AKR1B15: variants seen among roughly 807,000 people sequenced by gnomAD.
AKR1B15 encodes the protein estradiol 17-beta-dehydrogenase AKR1B15.
Under a neutral mutation model 38.5 loss-of-function variants are expected in AKR1B15, and 49 were observed. The ratio of observed to expected loss-of-function variants is 1.27; its 90% confidence interval spans 1.01 to 1.62. The LOEUF (loss-of-function observed/expected upper bound fraction) is 1.62. AKR1B15 is among the 40% of genes most tolerant of loss of function. The pLI is 0.00. For missense variants in AKR1B15, 411 were observed against 381.6 expected, an observed-to-expected ratio of 1.08 and a Z score of -0.64; for synonymous variants, 137 against 135.5, an observed-to-expected ratio of 1.01 and a Z score of -0.08.
At chr7:134,549,586 C>T (rs1793894506) in intron 1 of AKR1B15, among the ~76,000 whole-genome samples, 1 of 152,060 alleles carries the variant, frequency 6.6e-6, no homozygotes, top group Admixed American at 6.6e-5. Flanking sequence ...CCTGTGGTTC[C>T]GTGGTGACCT....
chr7:134,562,882 CTTT>C (rs1794449738), intron 2 of AKR1B15, among the ~76,000 whole-genome samples: 5 of 130,236 alleles, frequency 3.8e-5, no homozygotes, highest in African/African-American at 6.1e-5. Flanking sequence ...TTCTTTCTTT[CTTT>C]CTTTCCTTCT....
Position 134,571,075 on chromosome 7 carries a change from C to A in AKR1B15, c.436-529C>A, listed in dbSNP as rs985273854. Reference sequence around the variant, plus strand: ...GCTGGAAGGAAGCCAGTAGTGATCCCAGCACCCATTGCCTGGGGCTCTGCT... The same window carrying A: ...GCTGGAAGGAAGCCAGTAGTGATCCAAGCACCCATTGCCTGGGGCTCTGCT... On this transcript the variant is annotated intron_variant, in intron 5 of 11. Transcript: ENST00000457545. Among the ~76,000 whole-genome samples the A allele has an allele frequency of 5.8e-4, 88 of 152,278 alleles. 1 individual carries two copies. Among genetic ancestry groups the A allele is most frequent in the Non-Finnish European group, 9.1e-4 (62 of 68,020 alleles).
intron 6 of AKR1B15, among the ~76,000 whole-genome samples, chr7:134,572,642 A>AG (rs1794690729): frequency 6.6e-6 from 1 of 151,892 alleles, no homozygotes; most frequent in Admixed American, 6.6e-5. Flanking sequence ...AAAAAAAAAA[A>AG]AAAGAAAAAA....
At position 134,569,800 on chromosome 7, in the gene AKR1B15, T is replaced by A. The variant is rs544689121; in HGVS notation, c.435+271T>A. On this transcript the variant is annotated intron_variant, in intron 5 of 11. Transcript: ENST00000457545. ...TTTCCTATGCCTGTCTTTACTTAAA[T>A]CTCTTAATCCCATCATCTTCGTAAG... 8.2e-6 allele frequency: 3 copies of A among 363,810 alleles called. No homozygotes were observed. The East Asian group carries it at 1.7e-4, about 21-fold the overall frequency. The allele number at this position is 363,810 out of a possible 1,614,324, so 22.5% of individuals were successfully genotyped here.
intron 8 of AKR1B15, 95 bp downstream of exon 8, chr7:134,576,022 A>G (rs1794762460): frequency 2.6e-6 from 4 of 1,514,900 alleles, no homozygotes; most frequent in Non-Finnish European, 3.5e-6. Flanking sequence ...AGTTACTGGA[A>G]AGAAAAATGT....
rs1475293995 is a variant in AKR1B15, at chr7:134,562,827, C to CCTTTCTCTTT, written c.-22-1764_-22-1755dup. 5.1e-5 allele frequency among the ~76,000 whole-genome samples: 7 copies of CCTTTCTCTTT among 138,396 alleles called. No homozygotes were observed. In the South Asian group the frequency reaches 1.5e-3, roughly 29 times the overall value. 90.8% of individuals were successfully genotyped at this position (138,396 alleles called of 152,430 possible). A position where few individuals can be genotyped will look rare whatever the true frequency, so the allele number is the denominator to read the frequency against. On this transcript the variant is annotated intron_variant, in intron 2 of 11. Coordinates refer to ENST00000457545, the MANE Select transcript of AKR1B15 (RefSeq NM_001080538.3). ...TCCTTCCTTCCTTTCTTCCTTCCTT[C>CCTTTCTCTTT]CTTTCTCTTTCTTTCTTTCTTTCTT...
intron 6 of AKR1B15, among the ~76,000 whole-genome samples, chr7:134,572,606 C>T (rs190879241): frequency 7.4e-4 from 109 of 147,976 alleles, no homozygotes; most frequent in African/African-American, 9.5e-4. Context: ...CCAGCCCAGG[C>T]GTCAGTGCAA....
chr7:134,578,339 A>T (rs965029139), intron 11 of AKR1B15, among the ~76,000 whole-genome samples: 1 of 152,128 alleles, frequency 6.6e-6, no homozygotes, highest in African/African-American at 2.4e-5. Context: ...TGCCATATGT[A>T]TATTTGGGGG....
chr7:134,567,288 G>A (rs1329621033), intron 3 of AKR1B15, among the ~76,000 whole-genome samples: 9 of 152,330 alleles, frequency 5.9e-5, no homozygotes, highest in Admixed American at 5.2e-4. Context: ...TTAGAACAAA[G>A]TGTGATAATT....
At position 134,570,735 on chromosome 7, in the gene AKR1B15, G is replaced by T. The variant is rs568414865; in HGVS notation, c.436-869G>T. The stretch of plus-strand genomic sequence containing the variant: ...AGGAGAGCTTGCACTTCATAATTGG[G>T]AATGGCAGGTGGTCAGGAAGAGACC... On this transcript the variant is annotated intron_variant, in intron 5 of 11. Transcript: ENST00000457545. Among the ~76,000 whole-genome samples the T allele has an allele frequency of 4.3e-4, 65 of 152,316 alleles. No homozygotes were observed. The South Asian group carries it at 0.013, about 30-fold the overall frequency.
chr7:134,569,299 A>G, intron 4 of AKR1B15, 114 bp from the exon 5 acceptor site: 1 of 1,218,958 alleles, frequency 8.2e-7, no homozygotes, highest in South Asian at 1.3e-5. Context: ...CAGCTTTGTT[A>G]TAGATGGCCT....
chr7:134,568,021 G>A (rs1286391255), intron 3 of AKR1B15, 137 bp from the exon 4 acceptor site: 2 of 1,015,316 alleles, frequency 2.0e-6, no homozygotes, highest in Admixed American at 4.2e-5. Context: ...GTTGCTGAGT[G>A]TGGTGTAATT....
At position 134,568,317 on chromosome 7, in the gene AKR1B15, G is replaced by A. The variant is rs530258799; in HGVS notation, c.310G>A (p.Val104Ile). 60 of 1,614,058 alleles carry A rather than the reference G, an allele frequency of 3.7e-5. 1 individual carries two copies. The highest frequency in any genetic ancestry group is 1.8e-4 in the South Asian group (16 of 91,062). ...KAVMREDLFI[V>I]SKVWPTFFER... ...TGTGATGCGGGAGGACCTGTTCATC[G>A]TCAGCAAGGTGCACATGGCGCATTT... Residue 104 changes from valine to isoleucine, a missense_variant, in exon 4 of 12, where the codon GTC (valine) becomes ATC (isoleucine). Val to Ile is a conservative substitution (Grantham distance 29). Coordinates refer to ENST00000457545, the MANE Select transcript of AKR1B15 (RefSeq NM_001080538.3).
rs373179723 is a variant in AKR1B15 at position 134,569,542 on chromosome 7, C to G, written c.435+13C>G. ...ACAGGGATTCAAGGTTTGAGTGACT[C>G]CCTTTCTCAGCCTCTAGTTTCTGAG... On this transcript the variant is annotated intron_variant, in intron 5 of 11. Transcript: ENST00000457545. 6.2e-7 allele frequency: 1 copy of G among 1,613,672 alleles called. No homozygotes were observed. Among genetic ancestry groups the G allele is most frequent in the Non-Finnish European group, 8.5e-7 (1 of 1,179,684 alleles).
rs757538048 is a variant in AKR1B15, at chr7:134,575,960, A to C, written c.743+33A>C. ...TTCCAAGTGGTGGGTCTTTCTCTTG[A>C]TAATCTTAAAAACATTATTTTATAA... On this transcript the variant is annotated intron_variant, in intron 8 of 11. Transcript: ENST00000457545. The C allele has an allele frequency of 5.6e-6, 9 of 1,605,714 alleles. No homozygotes were observed. The South Asian group carries it at 1.0e-4, about 18-fold the overall frequency.
intron 7 of AKR1B15, 71 bp downstream of exon 7, chr7:134,575,613 A>G: frequency 2.5e-6 from 4 of 1,600,300 alleles, no homozygotes; most frequent in South Asian, 1.1e-5. Context: ...GGGAATGTTC[A>G]ATGCTATGCC....
At chr7:134,564,066 G>A (rs1157319827) in intron 2 of AKR1B15, among the ~76,000 whole-genome samples, 1 of 152,086 alleles carries the variant, frequency 6.6e-6, no homozygotes, top group Non-Finnish European at 1.5e-5. Flanking sequence ...ATTGCCCCAG[G>A]AAATCAGACC....
At position 134,571,499 on chromosome 7, in the gene AKR1B15, T is replaced by C. The variant is rs1443077570; in HGVS notation, c.436-105T>C. ...TGTACTCCAGAGCTTGAAAAAGTGG[T>C]ATGCAGATGTGGTATTTAGCAAGCA... is the stretch of plus-strand genomic sequence containing the variant. On this transcript the variant is annotated intron_variant, in intron 5 of 11. Transcript: ENST00000457545. The C allele has an allele frequency of 1.6e-5, 13 of 813,496 alleles. No homozygotes were observed. The East Asian group carries it at 3.2e-4, about 20-fold the overall frequency. The allele number at this position is 813,496 out of a possible 1,614,324, so 50.4% of individuals were successfully genotyped here.
At chr7:134,568,115 A>C in intron 3 of AKR1B15, 43 bp from the exon 4 acceptor site, 1 of 1,607,350 alleles carries the variant, frequency 6.2e-7, no homozygotes, top group Non-Finnish European at 8.5e-7. Flanking sequence ...TCATCTCTTA[A>C]AAAAAAAATA....
Sources: gnomAD v4.1 joint callset for allele counts (sites outside exome capture counted in the v4.1 genomes callset) on GRCh38, gnomAD v4.1.1 for gene constraint, MANE v1.5 for transcripts, NCBI Gene and HGNC (gene_info 2026-07-23, HGNC 2026-07-21) for gene names.